Variants in IRS2 observed in about 807,000 individuals in gnomAD.
IRS2 encodes insulin receptor substrate 2.
A neutral mutation model predicts 70.9 loss-of-function variants in IRS2; 28 were observed. The observed-to-expected ratio is 0.39, with a 90% CI of 0.29 to 0.54. The LOEUF (loss-of-function observed/expected upper bound fraction) is 0.54, where lower values mean the gene tolerates loss of function less well. IRS2 is among the 20% of genes least tolerant of loss of function. The pLI, the probability that IRS2 is intolerant of heterozygous loss-of-function variation, is 0.59. For synonymous variants in IRS2, 1,217 were observed against 981.9 expected, an observed-to-expected ratio of 1.24 and a Z score of -4.48; for missense variants, 2,081 against 2,024.1, an observed-to-expected ratio of 1.03 and a Z score of -0.54.
At chr13:109,772,087 C>G (rs1466962835) in intron 1 of IRS2, among the ~76,000 whole-genome samples, 1 of 152,238 alleles carries the variant, frequency 6.6e-6, no homozygotes, top group Non-Finnish European at 1.5e-5. Flanking sequence ...GAGAGGCTCA[C>G]CCGGCATGCG....
In IRS2 at chr13:109,782,101, T is replaced by C. The variant is rs899183993; in HGVS notation, c.3953A>G (p.Asn1318Ser). The change falls in exon 1 of 2, where the codon AAC becomes AGC. Residue 1318 changes from asparagine to serine, a missense_variant. Physicochemically the swap from Asn to Ser is conservative, Grantham distance 46. This residue lies in a region of IRS2 where 1,615 missense variants were observed against 1,459.5 expected (regional missense o/e 1.11). Transcript: ENST00000375856. ...GPGPGALPPA[N>S]TYASIDFLSH... ...CAAGAAGTCAATGCTGGCGTAGGTG[T>C]TGGCAGGGGGCAGGGCACCGGGACC... is the stretch of plus-strand genomic sequence containing the variant. The C allele has an allele frequency of 1.1e-5, 18 of 1,612,080 alleles. No homozygotes were observed. The highest frequency in any genetic ancestry group is 2.7e-5 in the African/African-American group (2 of 74,894).
intron 1 of IRS2, among the ~76,000 whole-genome samples, chr13:109,779,601 T>G (rs1877652827): frequency 6.6e-6 from 1 of 152,250 alleles, no homozygotes; most frequent in South Asian, 2.1e-4. Context: ...CCTATTCTGC[T>G]GTTCTCTGTG....
At position 109,756,004 on chromosome 13, in the gene IRS2, G is replaced by A; in HGVS notation, c.*300C>T. ...AAGACACTGGCCACAATTTAAGAAG[G>A]CCAATGAAAACATCCAATTTTCTTG... On this transcript the variant is annotated 3_prime_UTR_variant, in exon 2 of 2. Transcript: ENST00000375856. The A allele has an allele frequency of 6.6e-6, 3 of 456,294 alleles. No individual in the cohort carries two copies. Among genetic ancestry groups the A allele is most frequent in the Non-Finnish European group, 1.2e-5 (3 of 252,518 alleles). The allele number at this position is 456,294 out of a possible 1,614,324, so 28.3% of individuals were successfully genotyped here.
At chr13:109,777,220 G>A (rs1277716154) in intron 1 of IRS2, among the ~76,000 whole-genome samples, 1 of 152,046 alleles carries the variant, frequency 6.6e-6, no homozygotes, top group Non-Finnish European at 1.5e-5. Context: ...TTTATAAGGT[G>A]AAATGGGAAC....
Position 109,785,535 on chromosome 13 carries a change from G to C in IRS2, c.519C>G (p.Gly173=), listed in dbSNP as rs1466290718. Residue 173 remains glycine (G), a synonymous_variant, in exon 1 of 2, where the codon GGC becomes GGG. Transcript: ENST00000375856. The surrounding 1 kb of genome is among the most constrained non-coding windows in gnomAD (Gnocchi z 9.3). ...CSASLPGALG[G]SAGAAGAEDS... is the part of the protein sequence containing the mutation. ...CCTCGGCCCCGGCGGCGCCGGCAGAGCCGCCCAGGGCGCCGGGCAGGGAGG... is the reference window on the plus strand; with the variant it reads ...CCTCGGCCCCGGCGGCGCCGGCAGACCCGCCCAGGGCGCCGGGCAGGGAGG... 1 of 1,570,650 alleles carries C rather than the reference G, an allele frequency of 6.4e-7. No homozygotes were observed. Among genetic ancestry groups the C allele is most frequent in the Non-Finnish European group, 8.6e-7 (1 of 1,158,414 alleles).
intron 1 of IRS2, among the ~76,000 whole-genome samples, chr13:109,762,612 G>A (rs1877250131): frequency 6.6e-6 from 1 of 152,172 alleles, no homozygotes; most frequent in African/African-American, 2.4e-5. Context: ...CAGCATGCTA[G>A]CATGTCACAA....
intron 1 of IRS2, among the ~76,000 whole-genome samples, chr13:109,775,701 GA>G (rs1315346226): frequency 6.7e-6 from 1 of 150,224 alleles, no homozygotes; most frequent in East Asian, 2.0e-4. Flanking sequence ...CAGTTATGGA[GA>G]AAAATATCAT....
intron 1 of IRS2, among the ~76,000 whole-genome samples, chr13:109,781,513 G>A (rs1225528191): frequency 6.6e-6 from 1 of 152,200 alleles, no homozygotes; most frequent in Non-Finnish European, 1.5e-5. Context: ...GTCGCTATTA[G>A]CAGCCATCAA....
rs956027124 is a variant in IRS2, at chr13:109,783,303, G to C, written c.2751C>G (p.Gly917=). 2.6e-6 allele frequency: 4 copies of C among 1,539,632 alleles called. No individual in the cohort carries two copies. The highest frequency in any genetic ancestry group is 3.5e-6 in the Non-Finnish European group (4 of 1,152,700). Residue 917 remains glycine, a synonymous_variant, in exon 1 of 2, where the codon GGC becomes GGG. Coordinates refer to ENST00000375856, the MANE Select transcript of IRS2 (RefSeq NM_003749.3). ...YPLPPEPKSP[G]EYINIDFGEP... ...CGCCAAAGTCGATGTTGATGTACTC[G>C]CCGGGGCTCTTGGGCTCCGGTGGCA... is the stretch of plus-strand genomic sequence containing the variant.
chr13:109,771,625 C>T lies in IRS2; in HGVS notation c.4012+10417G>A, dbSNP rs146789225. On this transcript the variant is annotated intron_variant, in intron 1 of 1. Transcript: ENST00000375856. ...TTCTGTTTCATTTGCGTATGTAAAA[C>T]GTTATTTTAGGTTGCTTTTATGCAG... Among the ~76,000 whole-genome samples the T allele has an allele frequency of 1.3e-3, 203 of 152,250 alleles. 1 individual carries two copies. The highest frequency in any genetic ancestry group is 7.0e-3 in the South Asian group (34 of 4,826).
Position 109,782,631 on chromosome 13 carries a change from CT to C in IRS2, c.3422del (p.Gln1141ArgfsTer118). On this transcript the variant is annotated frameshift_variant, in exon 1 of 2. Transcript: ENST00000375856. LOFTEE classifies it high-confidence loss of function. ...RGAKVIRADP[Q>X]GGRRRHSSET... ...CGGAACTGTGGCGGCGGCGGCCCCCCTGCGGGTCTGCGCGGATGACCTTGGC... is the reference window on the plus strand; with the variant it reads ...CGGAACTGTGGCGGCGGCGGCCCCCCGCGGGTCTGCGCGGATGACCTTGGC... 1 of 1,571,856 alleles carries C rather than the reference CT, an allele frequency of 6.4e-7. No individual in the cohort carries two copies. The highest frequency in any genetic ancestry group is 8.6e-7 in the Non-Finnish European group (1 of 1,160,708).
chr13:109,762,268 G>C (rs773273162), intron 1 of IRS2, among the ~76,000 whole-genome samples: 1 of 152,234 alleles, frequency 6.6e-6, no homozygotes, highest in African/African-American at 2.4e-5. Flanking sequence ...AAACAGTATC[G>C]ATGATTCTTC....
Position 109,785,075 on chromosome 13 carries a change from G to A in IRS2, c.979C>T (p.His327Tyr), listed in dbSNP as rs1199284824. 6.3e-7 allele frequency: 1 copy of A among 1,576,300 alleles called. No individual in the cohort carries two copies. The highest frequency in any genetic ancestry group is 2.3e-5 in the East Asian group (1 of 43,138). The change falls in exon 1 of 2, where the codon CAC becomes TAC. Residue 327 changes from histidine to tyrosine, a missense_variant. His to Tyr is a moderately conservative substitution (Grantham distance 83). Coordinates refer to ENST00000375856, the MANE Select transcript of IRS2 (RefSeq NM_003749.3). This position sits in a 1 kb window ranked among gnomAD's most constrained non-coding sequence, Gnocchi z 9.3. Reference sequence around the variant, plus strand: ...TGGCTGGGGGGCAGGTTGACCAGGTGGTGGTGGCGGCGCGCGCCGGGGACG... The same window carrying A: ...TGGCTGGGGGGCAGGTTGACCAGGTAGTGGTGGCGGCGCGCGCCGGGGACG... Reference protein sequence around the residue: ...ISVPGARRHHHLVNLPPSQTG... With the variant: ...ISVPGARRHHYLVNLPPSQTG...
At chr13:109,781,937 T>C (rs750239444) in intron 1 of IRS2, 105 bp downstream of exon 1, 777 of 1,315,550 alleles carry the variant, frequency 5.9e-4, no homozygotes, top group Non-Finnish European at 7.5e-4. Context: ...GGCTGTCGGC[T>C]TCTGGGTCAA....
intron 1 of IRS2, among the ~76,000 whole-genome samples, chr13:109,758,169 T>TAA (rs752348115): frequency 6.0e-5 from 9 of 151,096 alleles, no homozygotes; most frequent in Non-Finnish European, 1.2e-4. Flanking sequence ...TTGTATCCCC[T>TAA]AAAAAAAAAC....
intron 1 of IRS2, among the ~76,000 whole-genome samples, chr13:109,758,548 T>C (rs892491744): frequency 3.2e-5 from 2 of 61,796 alleles, no homozygotes; most frequent in Admixed American, 4.9e-4. Flanking sequence ...ACATTTTCAT[T>C]GTTTTTTTTA....
chr13:109,758,866 A>G (rs1317825950), intron 1 of IRS2, among the ~76,000 whole-genome samples: 1 of 147,706 alleles, frequency 6.8e-6, no homozygotes, highest in African/African-American at 2.5e-5. Context: ...GGGAAAAGGA[A>G]GGGCAAGCGG....
chr13:109,754,244 A>C lies in IRS2; in HGVS notation c.*2060T>G. The C allele has an allele frequency of 4.3e-6, 1 of 230,760 alleles. No individual in the cohort carries two copies. Among genetic ancestry groups the C allele is most frequent in the African/African-American group, 2.2e-5 (1 of 45,348 alleles). 14.3% of individuals were successfully genotyped at this position (230,760 alleles called of 1,614,324 possible). A position where few individuals can be genotyped will look rare whatever the true frequency, so the allele number is the denominator to read the frequency against. ...GGTTCCATTCTGTAAACTAAATTAA[A>C]AATGTAAATATTGCATATGCCTTTT... On this transcript the variant is annotated 3_prime_UTR_variant, in exon 2 of 2. Coordinates refer to ENST00000375856, the MANE Select transcript of IRS2 (RefSeq NM_003749.3).
At chr13:109,757,199 C>T (rs897336850) in intron 1 of IRS2, among the ~76,000 whole-genome samples, 10 of 152,214 alleles carry the variant, frequency 6.6e-5, no homozygotes, top group African/African-American at 1.2e-4. Flanking sequence ...TGACCTTTCA[C>T]AGCGTGCTGT....
Sources: allele counts gnomAD v4.1 joint callset (sites outside exome capture counted in the v4.1 genomes callset), GRCh38; gene constraint gnomAD v4.1.1; regional missense constraint gnomAD v4.1.1; non-coding constraint Gnocchi (gnomAD v3.1); transcripts MANE v1.5; gene names NCBI Gene and HGNC (gene_info 2026-07-23, HGNC 2026-07-21).